The following SNUPN variants were observed in gnomAD, a reference collection of about 807,000 sequenced individuals.
SNUPN encodes the protein snurportin-1.
Under a neutral mutation model 39.2 loss-of-function variants are expected in SNUPN, and 31 were observed. The observed-to-expected ratio is 0.79, with a 90% CI of 0.59 to 1.07. The LOEUF (loss-of-function observed/expected upper bound fraction) is 1.07, where lower values mean the gene tolerates loss of function less well. Among genes scored for constraint, SNUPN ranks in the 50% least tolerant of loss-of-function variants. The pLI is 0.00. For missense variants in SNUPN, 382 were observed against 434.2 expected (o/e 0.88, Z 1.07); for synonymous variants, 132 against 159.0 (o/e 0.83, Z 1.28).
chr15:75,610,009 AAT>A lies in SNUPN; in HGVS notation c.304-17_304-16del, dbSNP rs776716901. 6 of 1,594,542 alleles carry A rather than the reference AAT, an allele frequency of 3.8e-6. No individual in the cohort carries two copies. The East Asian group carries it at 1.3e-4, about 36-fold the overall frequency. On this transcript the variant is annotated splice_polypyrimidine_tract_variant and intron_variant, in intron 3 of 8. Transcript: ENST00000308588. Reference sequence around the variant, plus strand: ...GAAAGCATCAACTGGAAATGCAAAAAATAGTGTTAAAGATCAGCAGGGGTGTG... The same window carrying A: ...GAAAGCATCAACTGGAAATGCAAAAAAGTGTTAAAGATCAGCAGGGGTGTG...
chr15:75,619,498 C>T (rs1595988774), intron 2 of SNUPN, among the ~76,000 whole-genome samples: 1 of 151,870 alleles, frequency 6.6e-6, no homozygotes, highest in East Asian at 1.9e-4. Context: ...AAAAATTAGC[C>T]AGGTGCTATG....
chr15:75,624,751 T>G, intron 1 of SNUPN: 1 of 1,283,148 alleles, frequency 7.8e-7, no homozygotes, highest in Non-Finnish European at 1.0e-6. Flanking sequence ...TTCCTGCTGT[T>G]TCGTTTTGTT....
intron 6 of SNUPN, among the ~76,000 whole-genome samples, chr15:75,606,557 G>A (rs962795569): frequency 6.6e-6 from 1 of 152,040 alleles, no homozygotes; most frequent in Non-Finnish European, 1.5e-5. Flanking sequence ...TTCTTAACAG[G>A]GATGGAGGCC....
chr15:75,625,967 GC>G (rs1370729273), upstream of SNUPN: 4 of 152,482 alleles, frequency 2.6e-5, no homozygotes, highest in African/African-American at 9.6e-5. Context: ...CCAGGCCGAG[GC>G]CTCCCTCCTG....
chr15:75,617,391 T>C lies in SNUPN; in HGVS notation c.303+17A>G. 1 of 1,610,904 alleles carries C rather than the reference T, an allele frequency of 6.2e-7. No individual in the cohort carries two copies. The highest frequency in any genetic ancestry group is 8.5e-7 in the Non-Finnish European group (1 of 1,178,646). ...GGAGTGAGATTAGCTGGGTCTCATC[T>C]TCTCTGGACCACTTACTTGATTAGC... On this transcript the variant is annotated intron_variant, in intron 3 of 8. Coordinates refer to ENST00000308588, the MANE Select transcript of SNUPN (RefSeq NM_005701.4).
intron 5 of SNUPN, among the ~76,000 whole-genome samples, chr15:75,609,199 T>C (rs1467186843): frequency 1.4e-4 from 20 of 145,906 alleles, no homozygotes; most frequent in Admixed American, 9.5e-4. Flanking sequence ...TTTTTTTTTT[T>C]TGAGACGGAG....
At chr15:75,599,762 T>G (rs1321786341) in intron 8 of SNUPN, among the ~76,000 whole-genome samples, 4 of 152,194 alleles carry the variant, frequency 2.6e-5, no homozygotes, top group Non-Finnish European at 5.9e-5. Flanking sequence ...CTTTGCCATT[T>G]CCTTATTTGG....
In SNUPN at chr15:75,601,234, G is replaced by C. The variant is rs773002170; in HGVS notation, c.679-16C>G. On this transcript the variant is annotated splice_polypyrimidine_tract_variant and intron_variant, in intron 7 of 8. Transcript: ENST00000308588. ...CAAATTTAAACTGAAATAGAAATTA[G>C]AACAAGGAATTAGTACGTTATAAAT... is the stretch of plus-strand genomic sequence containing the variant. The C allele has an allele frequency of 4.5e-6, 7 of 1,566,430 alleles. No homozygotes were observed. Among genetic ancestry groups the C allele is most frequent in the East Asian group, 2.2e-5 (1 of 44,546 alleles).
chr15:75,604,916 T>C (rs2075319702), intron 7 of SNUPN, among the ~76,000 whole-genome samples: 1 of 152,200 alleles, frequency 6.6e-6, no homozygotes, highest in Non-Finnish European at 1.5e-5. Flanking sequence ...TGTGTCATTC[T>C]TATGCCTTTA....
At chr15:75,608,100 G>C (rs1360537484) in intron 5 of SNUPN, among the ~76,000 whole-genome samples, 1 of 152,156 alleles carries the variant, frequency 6.6e-6, no homozygotes, top group Non-Finnish European at 1.5e-5. Flanking sequence ...TCAGAGCAAG[G>C]CCAGGTGCAG....
At chr15:75,598,759 C>A (rs939804003) in intron 8 of SNUPN, 78 bp from the exon 9 acceptor site, 64 of 1,171,198 alleles carry the variant, frequency 5.5e-5, no homozygotes, top group Non-Finnish European at 1.1e-5. Flanking sequence ...CACACAAGGG[C>A]AGCTCTTGTG....
At chr15:75,617,324 A>G in intron 3 of SNUPN, 84 bp downstream of exon 3, 1 of 1,428,436 alleles carries the variant, frequency 7.0e-7, no homozygotes, top group Non-Finnish European at 9.6e-7. Context: ...TCCTCTCTTT[A>G]TGACAGCATT....
rs1399157166 is a variant in SNUPN at position 75,607,378 on chromosome 15, C to A, written c.503-65G>T. 3 of 1,039,290 alleles carry A rather than the reference C, an allele frequency of 2.9e-6. No homozygotes were observed. In the African/African-American group the frequency reaches 4.7e-5, roughly 16 times the overall value. The allele number at this position is 1,039,290 out of a possible 1,614,324, so 64.4% of individuals were successfully genotyped here. On this transcript the variant is annotated intron_variant, in intron 5 of 8. Coordinates refer to ENST00000308588, the MANE Select transcript of SNUPN (RefSeq NM_005701.4). ...TCCAACCAGGTTCCCTCCACCACAA[C>A]CTAGGGAGCCCCATCCCAGAGGCTT...
intron 5 of SNUPN, among the ~76,000 whole-genome samples, chr15:75,607,967 G>A (rs1246782228): frequency 6.6e-6 from 1 of 152,178 alleles, no homozygotes; most frequent in Non-Finnish European, 1.5e-5. Context: ...GAGGCAGAAT[G>A]AACTGGGCAC....
At chr15:75,617,600 T>G in intron 2 of SNUPN, 48 bp from the exon 3 acceptor site, 1 of 1,568,226 alleles carries the variant, frequency 6.4e-7, no homozygotes, top group Non-Finnish European at 8.6e-7. Context: ...TTCTTTTTTT[T>G]TTTTTAGACA....
chr15:75,603,369 G>A (rs894984161), intron 7 of SNUPN, among the ~76,000 whole-genome samples: 23 of 148,272 alleles, frequency 1.6e-4, no homozygotes, highest in African/African-American at 5.7e-4. Flanking sequence ...TTTTTTTAAA[G>A]CTCTTCACTG....
chr15:75,603,497 T>C (rs2141362562), intron 7 of SNUPN, among the ~76,000 whole-genome samples: 1 of 150,010 alleles, frequency 6.7e-6, no homozygotes, highest in African/African-American at 2.4e-5. Context: ...CCGTCTCTAC[T>C]AAAAATACAA....
At chr15:75,602,390 G>A (rs901784132) in intron 7 of SNUPN, among the ~76,000 whole-genome samples, 3 of 151,450 alleles carry the variant, frequency 2.0e-5, no homozygotes, top group African/African-American at 7.3e-5. Context: ...GCCAGGCATG[G>A]TGGTACATGC....
chr15:75,611,836 A>G (rs557128160), intron 3 of SNUPN, among the ~76,000 whole-genome samples: 1 of 151,848 alleles, frequency 6.6e-6, no homozygotes, highest in South Asian at 2.1e-4. Flanking sequence ...GCCTGGCGAC[A>G]GAGCGAGACC....
Sources: gnomAD v4.1 joint callset for allele counts (sites outside exome capture counted in the v4.1 genomes callset) on GRCh38, gnomAD v4.1.1 for gene constraint, MANE v1.5 for transcripts, NCBI Gene and HGNC (gene_info 2026-07-23, HGNC 2026-07-21) for gene names.